The following CDC42BPA variants were observed in gnomAD, a reference collection of about 807,000 sequenced individuals.
CDC42BPA encodes the protein serine/threonine-protein kinase MRCK alpha.
Under a neutral mutation model 223.5 loss-of-function variants are expected in CDC42BPA, and 80 were observed. That is an observed-to-expected ratio of 0.36 (90% CI 0.30 to 0.43). The LOEUF (loss-of-function observed/expected upper bound fraction) is 0.43. Ranked by LOEUF, CDC42BPA falls within the 20% of genes least tolerant of loss-of-function variation. CDC42BPA has a pLI of 1.00. For synonymous variants in CDC42BPA, 694 were observed against 718.6 expected, an observed-to-expected ratio of 0.97 and a Z score of 0.55; for missense variants, 1,743 against 2,099.9, an observed-to-expected ratio of 0.83 and a Z score of 3.32.
intron 10 of CDC42BPA, among the ~76,000 whole-genome samples, chr1:227,132,585 GC>G (rs1249341369): frequency 3.4e-5 from 5 of 147,718 alleles, no homozygotes; most frequent in African/African-American, 1.3e-4. Context: ...TCTCTGCCTG[GC>G]CGCCCATCGT....
In CDC42BPA at chr1:227,101,212, C is replaced by G; in HGVS notation, c.2029G>C (p.Val677Leu). The part of the protein sequence containing the change: ...KQKQISYSPG[V>L]CSIEHQQEIT... ...TCTTGCTGATGTTCTATGCTGCATA[C>G]TCCTGGTGAGTAACTAATTTGTTTT... The change falls in exon 15 of 37, where the codon GTA becomes CTA. Residue 677 changes from valine to leucine, a missense_variant. Val to Leu is a conservative substitution (Grantham distance 32). This residue lies in a region of CDC42BPA where 464 missense variants were observed against 488.0 expected (regional missense o/e 0.95). Coordinates refer to ENST00000366766, the MANE Select transcript of CDC42BPA (RefSeq NM_001394014.1). The G allele has an allele frequency of 6.4e-7, 1 of 1,569,224 alleles. No homozygotes were observed. Among genetic ancestry groups the G allele is most frequent in the South Asian group, 1.2e-5 (1 of 82,942 alleles).
At chr1:227,174,582 G>A (rs1192835281) in intron 5 of CDC42BPA, among the ~76,000 whole-genome samples, 4 of 151,884 alleles carry the variant, frequency 2.6e-5, no homozygotes, top group South Asian at 4.2e-4. Context: ...TTCCTATATC[G>A]GTACACTTTA....
At chr1:227,217,583 A>C (rs1166614431) in intron 2 of CDC42BPA, among the ~76,000 whole-genome samples, 1 of 152,194 alleles carries the variant, frequency 6.6e-6, no homozygotes, top group Non-Finnish European at 1.5e-5. Flanking sequence ...AATGTAGCTC[A>C]GATCATGACA....
intron 14 of CDC42BPA, 109 bp from the exon 15 acceptor site, chr1:227,101,348 A>G (rs1315623297): frequency 5.0e-6 from 3 of 603,222 alleles, no homozygotes; most frequent in Admixed American, 6.9e-5. Context: ...TTTTTTGTAC[A>G]TCCTAACAAA....
In CDC42BPA at chr1:227,060,865, G is replaced by A. The variant is rs148750243; in HGVS notation, c.2905-8880C>T. Among the ~76,000 whole-genome samples, 905 of 151,656 alleles carry A rather than the reference G, an allele frequency of 6.0e-3. 10 individuals are homozygous for A. The highest frequency in any genetic ancestry group is 0.021 in the African/African-American group (852 of 41,330). On this transcript the variant is annotated intron_variant, in intron 21 of 36. Coordinates refer to ENST00000366766, the MANE Select transcript of CDC42BPA (RefSeq NM_001394014.1). ...GACTCCCGAGTAGCTGTGATTACAA[G>A]TGCGCGCCACCATGCCCGGCTAATT...
chr1:227,213,705 T>A (rs539109956), intron 2 of CDC42BPA, among the ~76,000 whole-genome samples: 4 of 152,030 alleles, frequency 2.6e-5, no homozygotes, highest in African/African-American at 9.7e-5. Context: ...CTGAAAACGA[T>A]CCTATTTTTC....
chr1:227,242,269 A>G (rs992663502), intron 2 of CDC42BPA, among the ~76,000 whole-genome samples: 1 of 152,148 alleles, frequency 6.6e-6, no homozygotes, highest in Non-Finnish European at 1.5e-5. Flanking sequence ...GAAAAAGAGT[A>G]ATCATTTTTT....
chr1:227,059,991 T>C (rs1035308819), intron 21 of CDC42BPA, among the ~76,000 whole-genome samples: 7 of 150,880 alleles, frequency 4.6e-5, no homozygotes, highest in African/African-American at 1.5e-4. Context: ...ATTAAGTAAT[T>C]AGGAAAAAAG....
At chr1:227,280,961 C>T (rs189117092) in intron 1 of CDC42BPA, among the ~76,000 whole-genome samples, 8 of 152,220 alleles carry the variant, frequency 5.3e-5, no homozygotes, top group Admixed American at 1.3e-4. Context: ...TGGGATAGAC[C>T]GGCTGCTACT....
At chr1:227,040,337 G>T in intron 23 of CDC42BPA, 101 bp from the exon 24 acceptor site, 1 of 668,842 alleles carries the variant, frequency 1.5e-6, no homozygotes. Context: ...TTTCTAAATA[G>T]GAATAGAATG....
chr1:227,064,545 A>G (rs1198999915), intron 21 of CDC42BPA, among the ~76,000 whole-genome samples: 1 of 152,090 alleles, frequency 6.6e-6, no homozygotes, highest in African/African-American at 2.4e-5. Context: ...GGGGAAAGAA[A>G]TGGGAAAATC....
At chr1:227,037,465 A>G (rs1414573207) in intron 24 of CDC42BPA, among the ~76,000 whole-genome samples, 1 of 152,250 alleles carries the variant, frequency 6.6e-6, no homozygotes, top group Non-Finnish European at 1.5e-5. Context: ...CTAATGGATT[A>G]GTTAAAATAC....
intron 34 of CDC42BPA, among the ~76,000 whole-genome samples, chr1:227,009,031 A>AT (rs1409328943): frequency 6.6e-6 from 1 of 152,152 alleles, no homozygotes; most frequent in African/African-American, 2.4e-5. Flanking sequence ...CAGGCTATAC[A>AT]TTTTTTTATT....
At chr1:227,221,130 C>G (rs1178372648) in intron 2 of CDC42BPA, among the ~76,000 whole-genome samples, 3 of 152,192 alleles carry the variant, frequency 2.0e-5, no homozygotes, top group African/African-American at 7.2e-5. Context: ...AAATTGTTCT[C>G]AATTCTCATC....
intron 4 of CDC42BPA, among the ~76,000 whole-genome samples, chr1:227,194,444 C>T (rs1226019896): frequency 3.9e-5 from 6 of 152,152 alleles, no homozygotes; most frequent in African/African-American, 1.2e-4. Flanking sequence ...ACCACTACTA[C>T]GTAGAATATA....
intron 2 of CDC42BPA, among the ~76,000 whole-genome samples, chr1:227,235,626 C>G (rs1396524482): frequency 6.6e-6 from 1 of 152,094 alleles, no homozygotes; most frequent in Non-Finnish European, 1.5e-5. Flanking sequence ...GAAATAACTC[C>G]AAACCTGGCT....
At chr1:227,250,534 C>A (rs964895666) in intron 2 of CDC42BPA, among the ~76,000 whole-genome samples, 8 of 151,754 alleles carry the variant, frequency 5.3e-5, no homozygotes, top group East Asian at 3.9e-4. Context: ...GGTCAAATGG[C>A]ATAACAATAA....
chr1:227,238,476 C>A (rs1328278986), intron 2 of CDC42BPA, among the ~76,000 whole-genome samples: 1 of 152,040 alleles, frequency 6.6e-6, no homozygotes, highest in Non-Finnish European at 1.5e-5. Flanking sequence ...ATCCATCATT[C>A]ATTTGCAAAC....
chr1:227,260,075 C>A (rs549722261), intron 1 of CDC42BPA, among the ~76,000 whole-genome samples: 1 of 149,878 alleles, frequency 6.7e-6, no homozygotes, highest in East Asian at 1.9e-4. Flanking sequence ...ATATAAATTC[C>A]TGAATATTAA....
Sources: allele counts gnomAD v4.1 joint callset (sites outside exome capture counted in the v4.1 genomes callset), GRCh38; gene constraint gnomAD v4.1.1; regional missense constraint gnomAD v4.1.1; transcripts MANE v1.5; gene names NCBI Gene and HGNC (gene_info 2026-07-23, HGNC 2026-07-21).